KCNQ3: variants seen among roughly 807,000 people sequenced by gnomAD.
KCNQ3 encodes the protein potassium voltage-gated channel subfamily Q member 3, also known as potassium voltage-gated channel subfamily KQT member 3.
Under a neutral mutation model 92.5 loss-of-function variants are expected in KCNQ3, and 30 were observed. That is an observed-to-expected ratio of 0.32 (90% CI 0.24 to 0.44). The LOEUF is 0.44. Ranked by LOEUF, KCNQ3 falls within the 20% of genes least tolerant of loss-of-function variation. KCNQ3 has a pLI of 1.00. For synonymous variants in KCNQ3, 450 were observed against 468.8 expected (o/e 0.96, Z 0.52); for missense variants, 913 against 1,140.3 (o/e 0.80, Z 2.87).
At chr8:132,161,817 C>T (rs370174650) in intron 9 of KCNQ3, among the ~76,000 whole-genome samples, 9 of 152,314 alleles carry the variant, frequency 5.9e-5, no homozygotes, top group African/African-American at 1.4e-4. Context: ...CTTGGTTCCC[C>T]GCCTCCTGCG....
At chr8:132,347,699 C>A (rs924413533) in intron 1 of KCNQ3, among the ~76,000 whole-genome samples, 2 of 152,050 alleles carry the variant, frequency 1.3e-5, no homozygotes, top group Admixed American at 1.3e-4. Flanking sequence ...GAAAACCGGC[C>A]GGGCGCAGTG....
chr8:132,136,146 A>AAAG (rs1563765951), intron 12 of KCNQ3, among the ~76,000 whole-genome samples: 3 of 137,012 alleles, frequency 2.2e-5, no homozygotes, highest in African/African-American at 5.2e-5. Context: ...AAAAAAAAAA[A>AAAG]GAAAAGAGAA....
intron 1 of KCNQ3, among the ~76,000 whole-genome samples, chr8:132,293,053 G>A (rs867020527): frequency 2.6e-5 from 4 of 152,328 alleles, no homozygotes; most frequent in African/African-American, 7.2e-5. Context: ...GGAGCTTCCA[G>A]ACAGCTGATC....
chr8:132,214,802 G>A (rs1025383564), intron 1 of KCNQ3, among the ~76,000 whole-genome samples: 2 of 152,252 alleles, frequency 1.3e-5, no homozygotes, highest in African/African-American at 4.8e-5. Flanking sequence ...ATTAGAGGTG[G>A]AATGTATCCA....
At chr8:132,272,687 G>A (rs1816187694) in intron 1 of KCNQ3, among the ~76,000 whole-genome samples, 1 of 152,164 alleles carries the variant, frequency 6.6e-6, no homozygotes, top group Non-Finnish European at 1.5e-5. Context: ...CAGATCTCAT[G>A]AGACTTATTC....
At chr8:132,259,803 G>A (rs1261974210) in intron 1 of KCNQ3, among the ~76,000 whole-genome samples, 1 of 152,076 alleles carries the variant, frequency 6.6e-6, no homozygotes, top group Non-Finnish European at 1.5e-5. Flanking sequence ...GTTTAGTAAA[G>A]TTACAAGATA....
intron 3 of KCNQ3, among the ~76,000 whole-genome samples, chr8:132,183,160 A>T (rs1826846688): frequency 6.6e-6 from 1 of 152,334 alleles, no homozygotes; most frequent in Middle Eastern, 3.4e-3. Flanking sequence ...AGTAAAGTGA[A>T]GAATGAGTAG....
chr8:132,447,211 G>C (rs1196986183), intron 1 of KCNQ3: 1 of 1,535,512 alleles, frequency 6.5e-7, no homozygotes, highest in South Asian at 1.2e-5. Context: ...ATCGTGGCGT[G>C]TTCTGCAGGC....
At chr8:132,405,549 C>A (rs1820452406) in intron 1 of KCNQ3, among the ~76,000 whole-genome samples, 1 of 152,158 alleles carries the variant, frequency 6.6e-6, no homozygotes, top group Non-Finnish European at 1.5e-5. Flanking sequence ...CACCAAAGAA[C>A]CCTGATAAAG....
intron 1 of KCNQ3, among the ~76,000 whole-genome samples, chr8:132,200,192 T>C (rs538008284): frequency 6.6e-6 from 1 of 152,324 alleles, no homozygotes; most frequent in African/African-American, 2.4e-5. Context: ...CATATCCCTA[T>C]CCATCTATAA....
chr8:132,324,783 C>T (rs1335585913), intron 1 of KCNQ3, among the ~76,000 whole-genome samples: 1 of 152,112 alleles, frequency 6.6e-6, no homozygotes, highest in Non-Finnish European at 1.5e-5. Context: ...TCCCAGTGAG[C>T]TAGTGATGGC....
At chr8:132,134,974 C>A (rs1825034673) in intron 12 of KCNQ3, among the ~76,000 whole-genome samples, 1 of 152,030 alleles carries the variant, frequency 6.6e-6, no homozygotes, top group South Asian at 2.1e-4. Context: ...CATGAGGCAC[C>A]AGCTCCTTTT....
rs1819605163 is a variant in KCNQ3 at position 132,376,259 on chromosome 8, A to G, written c.386+103888T>C. On this transcript the variant is annotated intron_variant, in intron 1 of 14. Coordinates refer to ENST00000388996, the MANE Select transcript of KCNQ3 (RefSeq NM_004519.4). Reference sequence around the variant, plus strand: ...TTGATGTGTACATTTAACACTTCTGATATTTCTCTTCTTGAAAAGTTGTAG... The same window carrying G: ...TTGATGTGTACATTTAACACTTCTGGTATTTCTCTTCTTGAAAAGTTGTAG... Among the ~76,000 whole-genome samples the G allele has an allele frequency of 3.3e-5, 5 of 152,180 alleles. No homozygotes were observed. In the South Asian group the frequency reaches 1.0e-3, roughly 32 times the overall value.
At chr8:132,138,048 C>T in intron 11 of KCNQ3, 32 bp from the exon 12 acceptor site, 1 of 1,602,004 alleles carries the variant, frequency 6.2e-7, no homozygotes, top group Non-Finnish European at 8.5e-7. Context: ...TTTGTGCATC[C>T]CATGTGGAGA....
chr8:132,429,229 G>A (rs1297489730), intron 1 of KCNQ3, among the ~76,000 whole-genome samples: 1 of 152,188 alleles, frequency 6.6e-6, no homozygotes, highest in African/African-American at 2.4e-5. Flanking sequence ...GGGTGAGCAG[G>A]CATCTTGTCT....
chr8:132,459,538 GC>G (rs796520370), intron 1 of KCNQ3, among the ~76,000 whole-genome samples: 5 of 152,208 alleles, frequency 3.3e-5, no homozygotes, highest in African/African-American at 1.2e-4. Context: ...ACTCACTTAT[GC>G]CCCAGCACAC....
chr8:132,207,071 G>A lies in KCNQ3; in HGVS notation c.387-20890C>T, dbSNP rs180863612. On this transcript the variant is annotated intron_variant, in intron 1 of 14. Coordinates refer to ENST00000388996, the MANE Select transcript of KCNQ3 (RefSeq NM_004519.4). Reference sequence around the variant, plus strand: ...GCCATTGTCTTACTGCTAGATATTTGGGTTTAGATTCTTCCAATTGCATGT... The same window carrying A: ...GCCATTGTCTTACTGCTAGATATTTAGGTTTAGATTCTTCCAATTGCATGT... 6.4e-4 allele frequency among the ~76,000 whole-genome samples: 97 copies of A among 152,228 alleles called. 1 individual carries two copies. Among genetic ancestry groups the A allele is most frequent in the Non-Finnish European group, 1.1e-3 (72 of 68,016 alleles).
At chr8:132,339,217 C>T (rs1818450480) in intron 1 of KCNQ3, among the ~76,000 whole-genome samples, 1 of 152,100 alleles carries the variant, frequency 6.6e-6, no homozygotes, top group Non-Finnish European at 1.5e-5. Context: ...GGAGCAGGGC[C>T]CTTCCAGATA....
At chr8:132,196,023 T>C (rs1827289662) in intron 1 of KCNQ3, among the ~76,000 whole-genome samples, 1 of 152,232 alleles carries the variant, frequency 6.6e-6, no homozygotes, top group African/African-American at 2.4e-5. Flanking sequence ...TCCAGATACC[T>C]AATAGATCTC....
Sources: allele counts gnomAD v4.1 joint callset (sites outside exome capture counted in the v4.1 genomes callset), GRCh38; gene constraint gnomAD v4.1.1; transcripts MANE v1.5; gene names NCBI Gene and HGNC (gene_info 2026-07-23, HGNC 2026-07-21).